Variants in SLC25A26 observed in about 807,000 individuals in gnomAD.
SLC25A26 encodes the protein mitochondrial S-adenosylmethionine carrier protein.
SLC25A26 carries 36 observed loss-of-function variants against 37.8 expected under a neutral mutation model. That is an observed-to-expected ratio of 0.95 (90% confidence interval 0.73 to 1.26). SLC25A26 has a LOEUF of 1.26. Ranked by LOEUF, SLC25A26 falls within the 50% of genes most tolerant of loss-of-function variation. The probability of loss-of-function intolerance (pLI) is 0.00; values close to 1 mark genes in which losing one functional copy is unlikely to be tolerated. For missense variants in SLC25A26, 390 were observed against 331.1 expected, an observed-to-expected ratio of 1.18 and a Z score of -1.38; for synonymous variants, 129 against 122.5, an observed-to-expected ratio of 1.05 and a Z score of -0.35.
At chr3:66,239,672 G>A (rs143799820) in intron 2 of SLC25A26, among the ~76,000 whole-genome samples, 20,891 of 152,138 alleles carry the variant, frequency 0.14, 1,630 homozygotes, top group East Asian at 0.31. Context: ...TTTAGAGACA[G>A]TAAGTATGCC....
chr3:66,195,625 G>A (rs1310814675), intron 1 of SLC25A26, among the ~76,000 whole-genome samples: 2 of 152,212 alleles, frequency 1.3e-5, no homozygotes, highest in Admixed American at 6.5e-5. Flanking sequence ...AGCGAGGAGC[G>A]CACGCGCTCG....
chr3:66,356,071 A>G (rs1200144942), intron 6 of SLC25A26: 1 of 456,316 alleles, frequency 2.2e-6, no homozygotes, highest in South Asian at 1.5e-5. Flanking sequence ...GAGCAGCTAA[A>G]GAAGTCCCAA....
intron 9 of SLC25A26, among the ~76,000 whole-genome samples, chr3:66,371,965 C>T (rs114758995): frequency 0.02 from 3,008 of 152,138 alleles, 89 homozygotes; most frequent in African/African-American, 0.069. Context: ...CTGGTGTGGT[C>T]GCACGCACCT....
upstream of SLC25A26, among the ~76,000 whole-genome samples, chr3:66,218,972 T>G (rs902132492): frequency 2.0e-5 from 3 of 152,260 alleles, no homozygotes; most frequent in Admixed American, 2.0e-4. Context: ...ATTCTTGACG[T>G]ATGAAAACTG....
chr3:66,236,579 A>G lies in SLC25A26; in HGVS notation c.69A>G (p.Ile23Met), dbSNP rs782189005. Residue 23 changes from isoleucine to methionine, a missense_variant, in exon 2 of 10, where the codon ATA becomes ATG. Transcript: ENST00000354883. ...GGVAGVSVDLILFPLDTIKTR... is the reference protein window; with the variant it reads ...GGVAGVSVDLMLFPLDTIKTR... Reference sequence around the variant, plus strand: ...TAGCAGGTGTTTCTGTTGACTTGATATTATTTCCTCTGGATACCATTAAAA... The same window carrying G: ...TAGCAGGTGTTTCTGTTGACTTGATGTTATTTCCTCTGGATACCATTAAAA... 10 of 1,471,670 alleles carry G rather than the reference A, an allele frequency of 6.8e-6. No individual in the cohort carries two copies. Among genetic ancestry groups the G allele is most frequent in the African/African-American group, 5.7e-5 (4 of 70,058 alleles). The allele number at this position is 1,471,670 out of a possible 1,614,324, so 91.2% of individuals were successfully genotyped here. A position where few individuals can be genotyped will look rare whatever the true frequency, so the allele number is the denominator to read the frequency against.
At chr3:66,359,970 G>A (rs747753463) in intron 6 of SLC25A26, among the ~76,000 whole-genome samples, 175 of 152,272 alleles carry the variant, frequency 1.1e-3, no homozygotes, top group Non-Finnish European at 2.0e-3. Flanking sequence ...AATCATTCAC[G>A]TTAGTATGGA....
At chr3:66,280,791 CTTCCTCTTTTTT>C (rs2074310342) in intron 5 of SLC25A26, among the ~76,000 whole-genome samples, 1 of 152,014 alleles carries the variant, frequency 6.6e-6, no homozygotes, top group African/African-American at 2.4e-5. Flanking sequence ...GCTCCTCTTT[CTTCCTCTTTTTT>C]TTCCTGAAAT....
intron 5 of SLC25A26, among the ~76,000 whole-genome samples, chr3:66,284,900 A>C (rs1325153892): frequency 6.6e-6 from 1 of 152,220 alleles, no homozygotes; most frequent in Non-Finnish European, 1.5e-5. Flanking sequence ...TGTAGGTTTG[A>C]GATTTTTCAA....
intron 5 of SLC25A26, among the ~76,000 whole-genome samples, chr3:66,345,619 T>C (rs564762672): frequency 1.3e-5 from 2 of 151,922 alleles, no homozygotes; most frequent in East Asian, 3.9e-4. Context: ...CTTCTCTTCC[T>C]GCTCCCTCTC....
chr3:66,245,287 C>G (rs144619987), intron 3 of SLC25A26, among the ~76,000 whole-genome samples: 22 of 150,430 alleles, frequency 1.5e-4, no homozygotes, highest in African/African-American at 5.1e-4. Context: ...AAAACTAATG[C>G]AGAGGAGAAA....
At chr3:66,322,503 G>T (rs969855281) in intron 5 of SLC25A26, among the ~76,000 whole-genome samples, 13 of 152,130 alleles carry the variant, frequency 8.5e-5, no homozygotes, top group Non-Finnish European at 1.8e-4. Flanking sequence ...TTTAGCTTAG[G>T]CTTCACAAAG....
chr3:66,204,437 AAAG>A (rs1287294394), intron 1 of SLC25A26, among the ~76,000 whole-genome samples: 2 of 90,592 alleles, frequency 2.2e-5, no homozygotes, highest in African/African-American at 6.4e-5. Context: ...AAAAAAAAAA[AAAG>A]AAAAAAAGAA....
At chr3:66,325,510 A>C (rs1389473440) in intron 5 of SLC25A26, among the ~76,000 whole-genome samples, 1 of 152,224 alleles carries the variant, frequency 6.6e-6, no homozygotes, top group African/African-American at 2.4e-5. Flanking sequence ...AGTGCTTTAT[A>C]GGCGCTATGA....
intron 1 of SLC25A26, among the ~76,000 whole-genome samples, chr3:66,180,232 A>G (rs947659303): frequency 6.6e-6 from 1 of 152,220 alleles, no homozygotes; most frequent in African/African-American, 2.4e-5. Flanking sequence ...TACAACCACA[A>G]TTTATTTTCC....
At chr3:66,241,912 CTT>C (rs36194673) in intron 2 of SLC25A26, among the ~76,000 whole-genome samples, 4 of 144,518 alleles carry the variant, frequency 2.8e-5, no homozygotes, top group African/African-American at 5.1e-5. Context: ...GAAAGCATAG[CTT>C]TTTTTTTTTT....
intron 1 of SLC25A26, among the ~76,000 whole-genome samples, chr3:66,147,043 TCTTCCCTTCCCTTCC>T (rs1183168244): frequency 7.3e-6 from 1 of 137,906 alleles, no homozygotes; most frequent in Admixed American, 7.5e-5. Context: ...CCACGATGTA[TCTTCCCTTCCCTTCC>T]CTTCCCTCCC....
chr3:66,174,047 C>T (rs1281503220), intron 1 of SLC25A26, among the ~76,000 whole-genome samples: 1 of 150,598 alleles, frequency 6.6e-6, no homozygotes, highest in Non-Finnish European at 1.5e-5. Context: ...AGCAAGATTC[C>T]GTCTCAAAAA....
chr3:66,137,127 T>C (rs1390702794), intron 1 of SLC25A26, among the ~76,000 whole-genome samples: 1 of 152,122 alleles, frequency 6.6e-6, no homozygotes, highest in African/African-American at 2.4e-5. Context: ...CCTGCCACCT[T>C]TTCCACCATG....
At chr3:66,363,023 G>GAT in intron 7 of SLC25A26, 94 bp downstream of exon 7, 1 of 747,680 alleles carries the variant, frequency 1.3e-6, no homozygotes, top group Non-Finnish European at 2.0e-6. Flanking sequence ...AGACATTCCA[G>GAT]GTTGTTTAGA....
Sources: gnomAD v4.1 joint callset for allele counts (sites outside exome capture counted in the v4.1 genomes callset) on GRCh38, gnomAD v4.1.1 for gene constraint, MANE v1.5 for transcripts, NCBI Gene and HGNC (gene_info 2026-07-23, HGNC 2026-07-21) for gene names.